Variants in MEGF6 observed in about 807,000 individuals in gnomAD.
MEGF6 encodes multiple EGF like domains 6, also known as multiple epidermal growth factor-like domains protein 6.
MEGF6 carries 184 observed loss-of-function variants against 207.1 expected under a neutral mutation model. The ratio of observed to expected loss-of-function variants is 0.89; its 90% CI spans 0.79 to 1.00. MEGF6 has a LOEUF of 1.00. MEGF6 is among the 50% of genes least tolerant of loss of function. The pLI, the probability that MEGF6 is intolerant of heterozygous loss-of-function variation, is 0.00. For synonymous variants in MEGF6, 1,038 were observed against 910.0 expected, an observed-to-expected ratio of 1.14 and a Z score of -2.53; for missense variants, 2,282 against 2,202.9, an observed-to-expected ratio of 1.04 and a Z score of -0.72.
the MEGF6 span, among the ~76,000 whole-genome samples, chr1:3,620,482 C>T: frequency 6.6e-6 from 1 of 152,198 alleles, no homozygotes; most frequent in Non-Finnish European, 1.5e-5. Context: ...AAGAGGTGAA[C>T]TTCGGGAGAC....
At position 3,537,375 on chromosome 1, in the gene MEGF6, G is replaced by A. The variant is rs190957534; in HGVS notation, c.482-13129C>T. On this transcript the variant is annotated intron_variant, in intron 4 of 36. Transcript: ENST00000356575. ...AGGAGTGACACTCAGAGAAGCTACCGGGAGCCACGGCCCATAGTCCTGACC... is the reference window on the plus strand; with the variant it reads ...AGGAGTGACACTCAGAGAAGCTACCAGGAGCCACGGCCCATAGTCCTGACC... Among the ~76,000 whole-genome samples the A allele has an allele frequency of 1.9e-3, 284 of 152,354 alleles. 2 individuals carry two copies. Among genetic ancestry groups the A allele is most frequent in the Middle Eastern group, 6.8e-3 (2 of 294 alleles).
At chr1:3,613,981 C>T (rs1186162772), upstream of MEGF6, among the ~76,000 whole-genome samples, 1 of 152,130 alleles carries the variant, frequency 6.6e-6, no homozygotes, top group Admixed American at 6.5e-5. Flanking sequence ...GGTGGAGAGG[C>T]AGGCAGGAAG....
chr1:3,611,870 C>T (rs113350026), upstream of MEGF6, among the ~76,000 whole-genome samples: 558 of 152,100 alleles, frequency 3.7e-3, 4 homozygotes, highest in African/African-American at 0.01. Flanking sequence ...AGTGACCAAT[C>T]CAGGAGGGGC....
Position 3,592,638 on chromosome 1 carries a change from C to T in MEGF6, c.376+2700G>A, listed in dbSNP as rs138345963. Among the ~76,000 whole-genome samples, 895 of 152,134 alleles carry T rather than the reference C, an allele frequency of 5.9e-3. 9 individuals are homozygous for T. The highest frequency in any genetic ancestry group is 0.014 in the Middle Eastern group (4 of 292). On this transcript the variant is annotated intron_variant, in intron 3 of 36. Coordinates refer to ENST00000356575, the MANE Select transcript of MEGF6 (RefSeq NM_001409.4). ...ATGACTCTGTGGCTAGCACAGGACG[C>T]GCCAGGCAGCACCCCTCCCACCCTT...
chr1:3,622,612 G>A, the MEGF6 span, among the ~76,000 whole-genome samples: 17 of 152,270 alleles, frequency 1.1e-4, no homozygotes, highest in Middle Eastern at 6.8e-3. Context: ...GGAGAAGGTC[G>A]TGTGAAGATG....
chr1:3,617,334 G>A, the MEGF6 span, among the ~76,000 whole-genome samples: 2 of 136,148 alleles, frequency 1.5e-5, no homozygotes, highest in African/African-American at 2.8e-5. Flanking sequence ...CTCCAAAGAC[G>A]TTGGCCCACA....
At chr1:3,606,324 T>G (rs563653535) in intron 1 of MEGF6, among the ~76,000 whole-genome samples, 37 of 152,302 alleles carry the variant, frequency 2.4e-4, no homozygotes, top group African/African-American at 8.7e-4. Flanking sequence ...GTGGGAAGGA[T>G]TGCGTGTGTT....
intron 3 of MEGF6, among the ~76,000 whole-genome samples, chr1:3,593,574 A>C (rs1438634058): frequency 2.1e-5 from 3 of 146,030 alleles, no homozygotes; most frequent in Non-Finnish European, 4.5e-5. Flanking sequence ...TGGCAGCCCC[A>C]CTTCCTCTCC....
intron 28 of MEGF6, 95 bp downstream of exon 28, chr1:3,496,893 C>G (rs1029254468): frequency 3.3e-6 from 5 of 1,523,284 alleles, no homozygotes; most frequent in Non-Finnish European, 4.4e-6. Flanking sequence ...TCTTCCACCC[C>G]CTCAGATGAG....
intron 1 of MEGF6, among the ~76,000 whole-genome samples, chr1:3,605,904 A>G (rs910043848): frequency 5.9e-5 from 9 of 152,106 alleles, no homozygotes; most frequent in Non-Finnish European, 1.2e-4. Context: ...CACCCAAGGG[A>G]TGGCCTTGGC....
chr1:3,536,575 G>T (rs746922662), intron 4 of MEGF6, among the ~76,000 whole-genome samples: 12 of 152,270 alleles, frequency 7.9e-5, no homozygotes, highest in African/African-American at 2.6e-4. Flanking sequence ...ACTCAGTGCC[G>T]CCACCGAGCA....
chr1:3,491,138 G>C (rs1042414818), intron 35 of MEGF6, among the ~76,000 whole-genome samples, 179 bp from the exon 36 acceptor site: 12 of 149,686 alleles, frequency 8.0e-5, no homozygotes, highest in Middle Eastern at 3.4e-3. Flanking sequence ...TGGGGGGGGG[G>C]GCTCTCCCTC....
chr1:3,532,514 G>A (rs2487671), intron 4 of MEGF6, among the ~76,000 whole-genome samples: 15,975 of 152,232 alleles, frequency 0.1, 935 homozygotes, highest in Admixed American at 0.14. Flanking sequence ...CTGGGCGCCC[G>A]CCCACACTGT....
chr1:3,609,625 T>C (rs1214143207), intron 1 of MEGF6, among the ~76,000 whole-genome samples: 1 of 152,136 alleles, frequency 6.6e-6, no homozygotes, highest in African/African-American at 2.4e-5. Context: ...AGGGGAGGCT[T>C]GGAGAAAGGA....
At chr1:3,525,770 C>G (rs1641937638) in intron 4 of MEGF6, among the ~76,000 whole-genome samples, 1 of 152,222 alleles carries the variant, frequency 6.6e-6, no homozygotes, top group Non-Finnish European at 1.5e-5. Context: ...TGCACCCAGG[C>G]CCATCACCAC....
chr1:3,536,301 C>T (rs944463180), intron 4 of MEGF6, among the ~76,000 whole-genome samples: 3 of 150,806 alleles, frequency 2.0e-5, no homozygotes, highest in Non-Finnish European at 4.4e-5. Context: ...TATGCAACAA[C>T]GATGTGTGTG....
At position 3,500,997 on chromosome 1, in the gene MEGF6, G is replaced by T; in HGVS notation, c.2544C>A (p.Ala848=). The T allele has an allele frequency of 6.2e-7, 1 of 1,612,282 alleles. No homozygotes were observed. Residue 848 remains alanine, a synonymous_variant, in exon 20 of 37, where the codon GCC becomes GCA. Coordinates refer to ENST00000356575, the MANE Select transcript of MEGF6 (RefSeq NM_001409.4). The stretch of plus-strand genomic sequence containing the variant: ...GGCAGCTAAAGCCGGTCCACCCGGG[G>T]GCACAGCTGCAGTGTCCGGTGGCTG... ...CHPATGHCSC[A]PGWTGFSCQR...
intron 4 of MEGF6, among the ~76,000 whole-genome samples, chr1:3,530,388 G>A (rs1396524052): frequency 6.6e-6 from 1 of 152,134 alleles, no homozygotes. Context: ...TGCGGCTGAC[G>A]ACTCACTGGG....
chr1:3,505,372 G>A (rs763009172), intron 16 of MEGF6, 30 bp from the exon 17 acceptor site: 239 of 1,604,432 alleles, frequency 1.5e-4, no homozygotes, highest in East Asian at 2.5e-4. Flanking sequence ...GGTGGGTGGG[G>A]TTAACCGACC....
Sources: allele counts gnomAD v4.1 joint callset (sites outside exome capture counted in the v4.1 genomes callset), GRCh38; gene constraint gnomAD v4.1.1; transcripts MANE v1.5; gene names NCBI Gene and HGNC (gene_info 2026-07-23, HGNC 2026-07-21).